TBX10: variants seen among roughly 807,000 people sequenced by gnomAD.
TBX10 encodes the protein T-box transcription factor TBX10.
In TBX10, 26 loss-of-function variants were observed where a neutral mutation model predicts 32.4. The observed-to-expected ratio is 0.80, with a 90% CI of 0.59 to 1.11. The LOEUF (loss-of-function observed/expected upper bound fraction) is 1.11. TBX10 is among the 50% of genes most tolerant of loss of function. The pLI, the probability that TBX10 is intolerant of heterozygous loss-of-function variation, is 0.00. For missense variants in TBX10, 490 were observed against 494.5 expected (o/e 0.99, Z 0.09); for synonymous variants, 195 against 203.1 (o/e 0.96, Z 0.34).
intron 1 of TBX10, 73 bp downstream of exon 1, chr11:67,639,393 T>TTGCCCCCCCCCCCCCCCCC: frequency 1.4e-6 from 1 of 726,922 alleles, no homozygotes; most frequent in Non-Finnish European, 2.5e-6. Context: ...CTGTCTTGGT[T>TTGCCCCCCCCCCCCCCCCC]CCCACCCTGC....
intron 4 of TBX10, 125 bp downstream of exon 4, chr11:67,634,064 G>A: frequency 7.1e-7 from 1 of 1,418,064 alleles, no homozygotes; most frequent in Non-Finnish European, 9.7e-7. Context: ...CGCCACCCCG[G>A]CTCCCCGCCC....
At chr11:67,634,632 G>C (rs1005954526) in intron 3 of TBX10, among the ~76,000 whole-genome samples, 184 bp downstream of exon 3, 2 of 152,184 alleles carry the variant, frequency 1.3e-5, no homozygotes, top group African/African-American at 4.8e-5. Context: ...AGTCTGCTGG[G>C]TACCCTGAGC....
At chr11:67,636,178 C>A (rs1270983035) in intron 1 of TBX10, among the ~76,000 whole-genome samples, 2 of 149,594 alleles carry the variant, frequency 1.3e-5, no homozygotes, top group East Asian at 3.9e-4. Flanking sequence ...ACCTCCTGGC[C>A]TCAAGTGATC....
chr11:67,635,318 C>A, intron 1 of TBX10, 55 bp from the exon 2 acceptor site: 2 of 1,609,550 alleles, frequency 1.2e-6, no homozygotes, highest in Non-Finnish European at 1.7e-6. Flanking sequence ...CAGCTCTTAT[C>A]CTTCAGGCTG....
Position 67,632,342 on chromosome 11 carries a change from T to G in TBX10, c.844A>C (p.Lys282Gln). ...CCTTTCTCCCTGTCTGTGGCACCCT[T>G]CAGCACACAGGGACTGAGGCTGCTG... ...SHSSLSPCVL[K>Q]GATDREKDPN... The change falls in exon 7 of 8, where the codon AAG becomes CAG. Residue 282 changes from lysine (K) to glutamine (Q), a missense_variant. Around this residue, in one of 3 missense-constraint regions of TBX10, gnomAD observed 177 missense variants for 176.6 expected, o/e 1.00. Coordinates refer to ENST00000335385, the MANE Select transcript of TBX10 (RefSeq NM_005995.5). The G allele has an allele frequency of 6.2e-7, 1 of 1,613,388 alleles. No homozygotes were observed.
At position 67,634,315 on chromosome 11, in the gene TBX10, GT is replaced by G; in HGVS notation, c.422del (p.Asp141AlafsTer33). On this transcript the variant is annotated frameshift_variant, in exon 4 of 8. Transcript: ENST00000335385. LOFTEE classifies it high-confidence loss of function. ...AGTGCACGCGGCCAGGTGTGGCTGGGTCTGCCTTGCCCGCCACCAGCCAGGC... is the reference window on the plus strand; with the variant it reads ...AGTGCACGCGGCCAGGTGTGGCTGGGCTGCCTTGCCCGCCACCAGCCAGGC... ...SSAWLVAGKA[D>X]PATPGRVHFH... 1 of 1,608,672 alleles carries G rather than the reference GT, an allele frequency of 6.2e-7. No individual in the cohort carries two copies. Among genetic ancestry groups the G allele is most frequent in the Non-Finnish European group, 8.5e-7 (1 of 1,179,848 alleles).
At chr11:67,632,747 C>A (rs1855258554) in intron 5 of TBX10, 77 bp from the exon 6 acceptor site, 2 of 1,589,822 alleles carry the variant, frequency 1.3e-6, no homozygotes, top group South Asian at 2.2e-5. Context: ...AACCGGCAGT[C>A]AGGAGGCCCT....
chr11:67,638,862 G>A (rs932163711), intron 1 of TBX10, among the ~76,000 whole-genome samples: 1 of 152,168 alleles, frequency 6.6e-6, no homozygotes, highest in Non-Finnish European at 1.5e-5. Flanking sequence ...CTGCTGGGGC[G>A]GGTACGTCAT....
intron 7 of TBX10, 95 bp from the exon 8 acceptor site, chr11:67,631,989 G>A (rs1855244089): frequency 6.7e-7 from 1 of 1,492,882 alleles, no homozygotes; most frequent in Admixed American, 2.0e-5. Context: ...TCCTTCCCAA[G>A]TTACCTACCT....
At chr11:67,637,580 G>A (rs1482041568) in intron 1 of TBX10, among the ~76,000 whole-genome samples, 5 of 152,314 alleles carry the variant, frequency 3.3e-5, no homozygotes, top group African/African-American at 1.2e-4. Flanking sequence ...AAGGAAGGAG[G>A]AAGTAACTTA....
upstream of TBX10, among the ~76,000 whole-genome samples, chr11:67,641,448 C>A (rs954492825): frequency 2.0e-5 from 3 of 152,232 alleles, no homozygotes; most frequent in East Asian, 5.8e-4. Flanking sequence ...CCTGCACACC[C>A]CTCCCCGGCT....
At chr11:67,634,448 C>T in intron 3 of TBX10, 88 bp from the exon 4 acceptor site, 1 of 1,494,320 alleles carries the variant, frequency 6.7e-7, no homozygotes, top group South Asian at 1.2e-5. Flanking sequence ...GCTGCCGACT[C>T]CAACACTGCT....
rs771685870 is a variant in TBX10 at position 67,633,141 on chromosome 11, G to A, written c.550-38C>T. On this transcript the variant is annotated intron_variant, in intron 4 of 7. Coordinates refer to ENST00000335385, the MANE Select transcript of TBX10 (RefSeq NM_005995.5). Reference sequence around the variant, plus strand: ...CAGAGCAGGGGTACAGGGGTGAGGCGGAGTACAGCGGACTCCCTGAGGCTG... The same window carrying A: ...CAGAGCAGGGGTACAGGGGTGAGGCAGAGTACAGCGGACTCCCTGAGGCTG... 67 of 1,597,156 alleles carry A rather than the reference G, an allele frequency of 4.2e-5. No individual in the cohort carries two copies. The Admixed American group carries it at 8.7e-4, about 21-fold the overall frequency.
intron 4 of TBX10, among the ~76,000 whole-genome samples, chr11:67,633,535 C>A (rs1296314382): frequency 2.6e-5 from 4 of 152,228 alleles, no homozygotes; most frequent in Admixed American, 6.5e-5. Flanking sequence ...GTCAGCCCGA[C>A]CCCTCAGGCA....
In TBX10 at chr11:67,634,378, G is replaced by A. The variant is rs887637769; in HGVS notation, c.378-18C>T. On this transcript the variant is annotated intron_variant, in intron 3 of 7. Transcript: ENST00000335385. ...AGGCATACCTGGGGAGCACAGCGAG[G>A]TGGTGAGGGCTTCCCCAACCAGAGT... The A allele has an allele frequency of 6.3e-7, 1 of 1,599,880 alleles. No individual in the cohort carries two copies. Among genetic ancestry groups the A allele is most frequent in the African/African-American group, 1.3e-5 (1 of 75,062 alleles).
intron 7 of TBX10, 112 bp downstream of exon 7, chr11:67,632,206 G>T: frequency 1.6e-6 from 2 of 1,240,038 alleles, no homozygotes; most frequent in Non-Finnish European, 2.4e-6. Flanking sequence ...CCACACAGGG[G>T]CCCTGTGGGT....
chr11:67,631,335 G>A lies in TBX10; in HGVS notation c.*270C>T, dbSNP rs750054898. The A allele has an allele frequency of 1.1e-4, 61 of 534,228 alleles. No individual in the cohort carries two copies. The highest frequency in any genetic ancestry group is 1.8e-4 in the Non-Finnish European group (54 of 295,184). 33.1% of individuals were successfully genotyped at this position (534,228 alleles called of 1,614,324 possible). A position where few individuals can be genotyped will look rare whatever the true frequency, so the allele number is the denominator to read the frequency against. On this transcript the variant is annotated 3_prime_UTR_variant, in exon 8 of 8. Transcript: ENST00000335385. ...AAATAGTTTAATGTTAGGGGGAAGG[G>A]AGAGGTAAGGCAGGGTTTTCGGGAG...
chr11:67,632,187 T>A (rs1855246852), intron 7 of TBX10, 131 bp downstream of exon 7: 1 of 1,103,394 alleles, frequency 9.1e-7, no homozygotes, highest in Non-Finnish European at 1.4e-6. Flanking sequence ...TGCTTCCCCC[T>A]CCGTGTGTCC....
chr11:67,631,657 C>T lies in TBX10; in HGVS notation c.1106G>A (p.Gly369Glu), dbSNP rs1285508750. The T allele has an allele frequency of 6.2e-7, 1 of 1,606,160 alleles. No homozygotes were observed. Among genetic ancestry groups the T allele is most frequent in the South Asian group, 1.1e-5 (1 of 89,622 alleles). Residue 369 changes from glycine (G) to glutamate (E), a missense_variant, in exon 8 of 8, where the codon GGG (glycine) becomes GAG (glutamate). Gly to Glu is a moderately conservative substitution (Grantham distance 98). Around this residue, in one of 3 missense-constraint regions of TBX10, gnomAD observed 177 missense variants for 176.6 expected, o/e 1.00. Transcript: ENST00000335385. ...QGGLPLPAGL[G>E]LLSPTVVCLG... ...GCACACCACAGTGGGGGACAGGAGCCCCAGCCCAGCTGGGAGAGGCAGGCC... is the reference window on the plus strand; with the variant it reads ...GCACACCACAGTGGGGGACAGGAGCTCCAGCCCAGCTGGGAGAGGCAGGCC...
Sources: gnomAD v4.1 joint callset for allele counts (sites outside exome capture counted in the v4.1 genomes callset) on GRCh38, gnomAD v4.1.1 for gene constraint, gnomAD v4.1.1 regional missense constraint, MANE v1.5 for transcripts, NCBI Gene and HGNC (gene_info 2026-07-23, HGNC 2026-07-21) for gene names.